Variants in OPCML observed in about 807,000 individuals in gnomAD.
The protein encoded by OPCML is opioid-binding protein/cell adhesion molecule.
In OPCML, 13 loss-of-function variants were observed where a neutral mutation model predicts 37.8. The ratio of observed to expected loss-of-function variants is 0.34; its 90% confidence interval spans 0.22 to 0.55. OPCML has a LOEUF of 0.55. OPCML is among the 20% of genes least tolerant of loss of function. The pLI, the probability that OPCML is intolerant of heterozygous loss-of-function variation, is 0.91. For missense variants in OPCML, 341 were observed against 435.6 expected (o/e 0.78, Z 1.93); for synonymous variants, 176 against 168.8 (o/e 1.04, Z -0.33).
At chr11:133,464,432 G>T (rs2136992404) in intron 1 of OPCML, among the ~76,000 whole-genome samples, 1 of 152,280 alleles carries the variant, frequency 6.6e-6, no homozygotes, top group Admixed American at 6.5e-5. Flanking sequence ...AAAATATGAT[G>T]GGTTTGAGAA....
At chr11:133,431,564 C>G (rs1455832327) in intron 1 of OPCML, among the ~76,000 whole-genome samples, 1 of 152,036 alleles carries the variant, frequency 6.6e-6, no homozygotes, top group Non-Finnish European at 1.5e-5. Context: ...CTCCTGGGTT[C>G]AAGAGATTCT....
chr11:133,290,020 T>C (rs1942432703), intron 1 of OPCML, among the ~76,000 whole-genome samples: 2 of 152,186 alleles, frequency 1.3e-5, no homozygotes, highest in African/African-American at 2.4e-5. Flanking sequence ...CTTTTCCCAG[T>C]GGAAAAAGCT....
intron 3 of OPCML, among the ~76,000 whole-genome samples, chr11:132,549,661 A>G (rs1383003351): frequency 6.6e-6 from 1 of 152,194 alleles, no homozygotes; most frequent in African/African-American, 2.4e-5. Flanking sequence ...GCAAGCTGGG[A>G]GCTTGCACGC....
At chr11:132,924,485 C>G (rs1329742217) in intron 2 of OPCML, among the ~76,000 whole-genome samples, 1 of 152,170 alleles carries the variant, frequency 6.6e-6, no homozygotes, top group Admixed American at 6.5e-5. Context: ...CTATTGAAGA[C>G]AAATCTGATC....
chr11:132,519,865 G>A (rs973194222), intron 4 of OPCML, among the ~76,000 whole-genome samples: 3 of 152,186 alleles, frequency 2.0e-5, no homozygotes, highest in African/African-American at 7.2e-5. Flanking sequence ...CAAAGAAGTA[G>A]TAGCAAGACT....
At chr11:133,517,304 A>G (rs1227960498) in intron 1 of OPCML, among the ~76,000 whole-genome samples, 1 of 152,236 alleles carries the variant, frequency 6.6e-6, no homozygotes, top group Non-Finnish European at 1.5e-5. Flanking sequence ...AGTAACCTAT[A>G]TACATCATTT....
intron 1 of OPCML, among the ~76,000 whole-genome samples, chr11:133,502,334 T>A (rs914036826): frequency 6.6e-6 from 1 of 152,066 alleles, no homozygotes. Flanking sequence ...AGAGGCAGGG[T>A]GGCAGGGTGG....
At chr11:132,492,514 G>C (rs2096219293) in intron 4 of OPCML, among the ~76,000 whole-genome samples, 1 of 152,058 alleles carries the variant, frequency 6.6e-6, no homozygotes, top group Non-Finnish European at 1.5e-5. Flanking sequence ...TGTTGTCATT[G>C]TTGTTGTCGT....
chr11:133,082,270 C>T (rs1301378938), intron 1 of OPCML, among the ~76,000 whole-genome samples: 1 of 151,680 alleles, frequency 6.6e-6, no homozygotes, highest in African/African-American at 2.4e-5. Context: ...AGCTCCCGCG[C>T]TGGAGTCTTG....
intron 1 of OPCML, among the ~76,000 whole-genome samples, chr11:133,012,749 C>A (rs1224539898): frequency 1.3e-5 from 2 of 151,880 alleles, no homozygotes. Flanking sequence ...GTGGCACATG[C>A]CTGTAATCCC....
intron 1 of OPCML, among the ~76,000 whole-genome samples, chr11:133,482,854 C>A (rs1395089400): frequency 6.6e-6 from 1 of 151,898 alleles, no homozygotes; most frequent in East Asian, 1.9e-4. Flanking sequence ...ATCTTCATGA[C>A]CTGGGGTAGA....
At chr11:133,470,190 A>G (rs7119199) in intron 1 of OPCML, among the ~76,000 whole-genome samples, 43,606 of 151,952 alleles carry the variant, frequency 0.29, 7,817 homozygotes, top group African/African-American at 0.51. Context: ...CCACGAAACT[A>G]GAGATTATTA....
chr11:132,434,271 G>A (rs1440494313), intron 7 of OPCML, among the ~76,000 whole-genome samples: 1 of 152,168 alleles, frequency 6.6e-6, no homozygotes, highest in African/African-American at 2.4e-5. Context: ...TGATAGTTGA[G>A]GAGCTGATTT....
chr11:132,654,149 T>C (rs1028706313), intron 3 of OPCML, among the ~76,000 whole-genome samples: 2 of 152,218 alleles, frequency 1.3e-5, no homozygotes, highest in African/African-American at 4.8e-5. Flanking sequence ...TCTTTCTAAC[T>C]GAGTAGTGGG....
At position 133,039,863 on chromosome 11, in the gene OPCML, A is replaced by G. The variant is rs532081994; in HGVS notation, c.62-96853T>C. Among the ~76,000 whole-genome samples the G allele has an allele frequency of 6.6e-5, 10 of 152,158 alleles. No individual in the cohort carries two copies. In the South Asian group the frequency reaches 2.1e-3, roughly 32 times the overall value. On this transcript the variant is annotated intron_variant, in intron 1 of 7. Transcript: ENST00000524381. The stretch of plus-strand genomic sequence containing the variant: ...GCCAACTTACTGAAACCCCATCTCT[A>G]CTAAAAATACAAAATATTAGCTGGG...
chr11:133,348,234 G>T (rs539074959), intron 1 of OPCML, among the ~76,000 whole-genome samples: 1 of 152,148 alleles, frequency 6.6e-6, no homozygotes, highest in South Asian at 2.1e-4. Context: ...CACTGCAAAC[G>T]AGAGCCATTG....
intron 1 of OPCML, among the ~76,000 whole-genome samples, chr11:133,022,050 C>T (rs1298246102): frequency 1.3e-5 from 2 of 152,164 alleles, no homozygotes; most frequent in African/African-American, 2.4e-5. Context: ...CAGCCAGTGG[C>T]TTGCTTGGGG....
intron 2 of OPCML, among the ~76,000 whole-genome samples, chr11:132,934,722 C>T (rs976321382): frequency 1.4e-4 from 22 of 152,208 alleles, no homozygotes; most frequent in African/African-American, 5.3e-4. Context: ...CTCTGCTACT[C>T]TCTCCTTTCA....
rs116454027 is a variant in OPCML, at chr11:132,960,007, T to C, written c.62-16997A>G. Among the ~76,000 whole-genome samples the C allele has an allele frequency of 8.5e-3, 1,289 of 152,290 alleles. 16 individuals are homozygous for C. The highest frequency in any genetic ancestry group is 0.03 in the African/African-American group (1,229 of 41,556). ...CTGGGAAACATGTTTGGCTCTAAAA[T>C]TGAGCTTAAACAGGCTGCTTGAACC... On this transcript the variant is annotated intron_variant, in intron 1 of 7. Transcript: ENST00000524381.
Sources: allele counts gnomAD v4.1 joint callset (sites outside exome capture counted in the v4.1 genomes callset), GRCh38; gene constraint gnomAD v4.1.1; transcripts MANE v1.5; gene names NCBI Gene and HGNC (gene_info 2026-07-23, HGNC 2026-07-21).